ANO1: variants seen among roughly 807,000 people sequenced by gnomAD.
ANO1 encodes anoctamin 1, also known as anoctamin-1.
Under a neutral mutation model 124.0 loss-of-function variants are expected in ANO1, and 59 were observed. The observed-to-expected ratio is 0.48, with a 90% CI of 0.39 to 0.59. The LOEUF (loss-of-function observed/expected upper bound fraction) is 0.59, where lower values mean the gene tolerates loss of function less well. ANO1 is among the 20% of genes least tolerant of loss of function. The pLI, the probability that ANO1 is intolerant of heterozygous loss-of-function variation, is 0.00. For missense variants in ANO1, 1,059 were observed against 1,328.0 expected (o/e 0.80, Z 3.15); for synonymous variants, 529 against 532.0 (o/e 0.99, Z 0.08).
chr11:70,031,049 A>T (rs1438211131), intron 1 of ANO1, among the ~76,000 whole-genome samples: 2 of 152,142 alleles, frequency 1.3e-5, no homozygotes, highest in Non-Finnish European at 2.9e-5. Flanking sequence ...GGTTCAAGTG[A>T]TTCTCGTGCC....
At chr11:70,146,731 T>C (rs1232059935) in intron 11 of ANO1, among the ~76,000 whole-genome samples, 1 of 151,952 alleles carries the variant, frequency 6.6e-6, no homozygotes, top group Non-Finnish European at 1.5e-5. Flanking sequence ...CAGTCTATGG[T>C]TGAAGGCGTG....
intron 1 of ANO1, among the ~76,000 whole-genome samples, chr11:70,002,107 T>C (rs1342105283): frequency 1.3e-5 from 2 of 152,092 alleles, no homozygotes; most frequent in African/African-American, 4.8e-5. Flanking sequence ...GGTGGTCCCG[T>C]AAGATTGTAA....
intron 1 of ANO1, among the ~76,000 whole-genome samples, chr11:70,081,002 A>G (rs1232412038): frequency 6.6e-6 from 1 of 152,218 alleles, no homozygotes; most frequent in African/African-American, 2.4e-5. Flanking sequence ...CGAGGGCCAG[A>G]GGGCGTGGGC....
intron 24 of ANO1, among the ~76,000 whole-genome samples, chr11:70,182,970 G>A (rs527450180): frequency 5.9e-5 from 9 of 152,232 alleles, no homozygotes; most frequent in East Asian, 5.8e-4. Flanking sequence ...ATAGCCGGGC[G>A]TTGTGGCACT....
chr11:69,977,566 T>G, the ANO1 span, among the ~76,000 whole-genome samples: 1 of 152,212 alleles, frequency 6.6e-6, no homozygotes, highest in African/African-American at 2.4e-5. Flanking sequence ...ATGGTGGAAG[T>G]GTGGCCCTTA....
At chr11:70,076,150 A>C (rs1006467057), upstream of ANO1, among the ~76,000 whole-genome samples, 6 of 152,236 alleles carry the variant, frequency 3.9e-5, no homozygotes, top group Admixed American at 6.5e-5. Flanking sequence ...ACTGGAGAGA[A>C]AAAAAGAAAC....
chr11:70,142,611 G>T (rs1421417187), intron 11 of ANO1, among the ~76,000 whole-genome samples: 1 of 152,094 alleles, frequency 6.6e-6, no homozygotes. Flanking sequence ...TGCACTTCTC[G>T]GGAACTGGAG....
intron 2 of ANO1, among the ~76,000 whole-genome samples, chr11:70,099,045 C>T (rs1173363305): frequency 6.6e-6 from 1 of 152,200 alleles, no homozygotes; most frequent in Non-Finnish European, 1.5e-5. Context: ...GGGGCTGACT[C>T]TGTCCCCTTG....
chr11:70,024,689 G>A lies in ANO1; in HGVS notation c.58+38523G>A, dbSNP rs191736423. 5.9e-5 allele frequency among the ~76,000 whole-genome samples: 9 copies of A among 152,260 alleles called. No individual in the cohort carries two copies. The East Asian group carries it at 7.7e-4, about 13-fold the overall frequency. ...TTTGACTCGGGCTCCCAAGTTCTTC[G>A]CCACCACCACCACTCTCAGCAGCTT... On this transcript the variant is annotated intron_variant, in intron 1 of 27. Coordinates refer to the ANO1 transcript ENST00000531349.
Position 70,187,877 on chromosome 11 carries a change from T to C in ANO1, c.2834T>C (p.Leu945Pro). Reference sequence around the variant, plus strand: ...GAGGAGCAAGACAAGCAGCAGCTGCTGGAAACCTGGATGGAGAAGGAGCGG... The same window carrying C: ...GAGGAGCAAGACAAGCAGCAGCTGCCGGAAACCTGGATGGAGAAGGAGCGG... Reference protein sequence around the residue: ...MREEQDKQQLLETWMEKERQK... With the variant: ...MREEQDKQQLPETWMEKERQK... The change falls in exon 26 of 26, where the codon CTG becomes CCG. Residue 945 changes from leucine (L) to proline (P), a missense_variant. Leu to Pro is a moderately conservative substitution (Grantham distance 98, BLOSUM62 -3). Coordinates refer to ENST00000355303, the MANE Select transcript of ANO1 (RefSeq NM_018043.7). The C allele has an allele frequency of 6.2e-7, 1 of 1,604,926 alleles. No homozygotes were observed. The highest frequency in any genetic ancestry group is 8.5e-7 in the Non-Finnish European group (1 of 1,176,154).
chr11:70,010,177 GTGTA>G (rs1430849573), intron 1 of ANO1, among the ~76,000 whole-genome samples: 2 of 54,494 alleles, frequency 3.7e-5, no homozygotes, highest in Admixed American at 4.2e-4. Flanking sequence ...GCGTGTGTGT[GTGTA>G]TATATATATA....
At chr11:69,980,021 G>A in the ANO1 span, among the ~76,000 whole-genome samples, 3 of 152,106 alleles carry the variant, frequency 2.0e-5, no homozygotes, top group Non-Finnish European at 4.4e-5. Context: ...TCCGTTCATG[G>A]CCAGTGCTTC....
rs767000418 is a variant in ANO1, at chr11:70,157,003, G to A, written c.1560G>A (p.Leu520=). The part of the protein sequence containing the change: ...RDRFPAYLTN[L]VSIIFMIAVT... The stretch of plus-strand genomic sequence containing the variant: ...GGTTCCCAGCCTACCTCACTAACTT[G>A]GTCTCCATCATCTTCATGGTAAGTT... Residue 520 remains leucine, a synonymous_variant, in exon 16 of 26, where the codon TTG becomes TTA. Transcript: ENST00000355303. 1.2e-6 allele frequency: 2 copies of A among 1,613,442 alleles called. No homozygotes were observed. The highest frequency in any genetic ancestry group is 4.5e-5 in the East Asian group (2 of 44,864).
At position 70,097,756 on chromosome 11, in the gene ANO1, C is replaced by T. The variant is rs774863071; in HGVS notation, c.442-5310C>T. 8.5e-5 allele frequency among the ~76,000 whole-genome samples: 13 copies of T among 152,188 alleles called. No individual in the cohort carries two copies. In the East Asian group the frequency reaches 1.4e-3, roughly 16 times the overall value. ...CTGTCCTAGGCTGGCACAGAGTAGGCGCTTTATAAAGTCGGGTGCCTTCCC... is the reference window on the plus strand; with the variant it reads ...CTGTCCTAGGCTGGCACAGAGTAGGTGCTTTATAAAGTCGGGTGCCTTCCC... On this transcript the variant is annotated intron_variant, in intron 2 of 25. Transcript: ENST00000355303.
At chr11:70,186,642 G>C (rs902184349) in intron 25 of ANO1, among the ~76,000 whole-genome samples, 1 of 152,178 alleles carries the variant, frequency 6.6e-6, no homozygotes. Context: ...GCTGTGCACC[G>C]GCAGCTGAGG....
chr11:70,051,714 C>T (rs1332846274), intron 1 of ANO1, among the ~76,000 whole-genome samples: 1 of 152,222 alleles, frequency 6.6e-6, no homozygotes, highest in African/African-American at 2.4e-5. Context: ...AGGAAGTGCT[C>T]ATGCAAGAAT....
At chr11:70,016,610 G>A (rs924470539) in intron 1 of ANO1, among the ~76,000 whole-genome samples, 6 of 152,214 alleles carry the variant, frequency 3.9e-5, no homozygotes, top group African/African-American at 9.6e-5. Context: ...CTCTGCCACC[G>A]TCAGGCTTGG....
intron 3 of ANO1, among the ~76,000 whole-genome samples, chr11:70,103,424 G>A (rs532161468): frequency 1.2e-4 from 18 of 152,202 alleles, no homozygotes; most frequent in Admixed American, 1.1e-3. Flanking sequence ...AGATGGTGCA[G>A]GCAGAAAAGC....
At chr11:70,090,017 T>G (rs1000183213) in intron 2 of ANO1, among the ~76,000 whole-genome samples, 4 of 151,964 alleles carry the variant, frequency 2.6e-5, no homozygotes, top group Non-Finnish European at 5.9e-5. Context: ...GTTTGTTTGT[T>G]TGTTTGTTTG....
Sources: gnomAD v4.1 joint callset for allele counts (sites outside exome capture counted in the v4.1 genomes callset) on GRCh38, gnomAD v4.1.1 for gene constraint, MANE v1.5 for transcripts, NCBI Gene and HGNC (gene_info 2026-07-23, HGNC 2026-07-21) for gene names.